The following USP7 variants were observed in gnomAD, a reference collection of about 807,000 sequenced individuals.
USP7 encodes ubiquitin C-terminal hydrolase 7.
In USP7, 9 loss-of-function variants were observed where a neutral mutation model predicts 162.9. That is an observed-to-expected ratio of 0.06 (90% CI 0.03 to 0.10). USP7 has a LOEUF of 0.10. USP7 is among the 10% of genes least tolerant of loss of function. The pLI is 1.00. For synonymous variants in USP7, 562 were observed against 475.9 expected (o/e 1.18, Z -2.35); for missense variants, 715 against 1,373.7 (o/e 0.52, Z 7.58).
intron 10 of USP7, among the ~76,000 whole-genome samples, chr16:8,912,695 G>A (rs1163389261): frequency 6.6e-6 from 1 of 151,414 alleles, no homozygotes; most frequent in African/African-American, 2.4e-5. Context: ...GCCAAGGCGG[G>A]CAGACTGATT....
At chr16:8,938,094 G>A (rs942632740) in intron 1 of USP7, among the ~76,000 whole-genome samples, 9 of 152,068 alleles carry the variant, frequency 5.9e-5, no homozygotes, top group African/African-American at 2.2e-4. Context: ...AGCTGGACTG[G>A]CAAAGGCACT....
chr16:8,959,386 A>G (rs913740397), intron 1 of USP7, among the ~76,000 whole-genome samples: 1 of 151,730 alleles, frequency 6.6e-6, no homozygotes, highest in African/African-American at 2.4e-5. Context: ...CCTTCTTCCT[A>G]TATTTACTAG....
chr16:8,901,941 G>A, intron 18 of USP7, 141 bp downstream of exon 18: 2 of 716,516 alleles, frequency 2.8e-6, no homozygotes, highest in Non-Finnish European at 4.6e-6. Flanking sequence ...GACTTCATCA[G>A]GAAGTCTAGT....
At chr16:8,900,868 T>C (rs1380370603) in intron 20 of USP7, 122 bp downstream of exon 20, 3 of 978,298 alleles carry the variant, frequency 3.1e-6, no homozygotes, top group African/African-American at 3.3e-5. Context: ...CTCAAGATCA[T>C]CTGAGGCCCT....
intron 1 of USP7, among the ~76,000 whole-genome samples, chr16:8,935,374 T>A (rs1898643501): frequency 6.6e-6 from 1 of 152,126 alleles, no homozygotes; most frequent in East Asian, 1.9e-4. Context: ...CATGCCCAGC[T>A]AATTTGTCTG....
At chr16:8,901,422 C>T (rs945116743) in intron 18 of USP7, among the ~76,000 whole-genome samples, 188 bp from the exon 19 acceptor site, 5 of 152,132 alleles carry the variant, frequency 3.3e-5, no homozygotes, top group Non-Finnish European at 5.9e-5. Context: ...GAAGCTGAGG[C>T]TATTACCGCT....
intron 1 of USP7, among the ~76,000 whole-genome samples, chr16:8,933,913 G>A (rs192218404): frequency 3.2e-4 from 49 of 151,964 alleles, no homozygotes; most frequent in Admixed American, 9.2e-4. Context: ...GTGCCACCAC[G>A]CCCAGCTAAT....
At chr16:8,935,207 T>A (rs994713450) in intron 1 of USP7, among the ~76,000 whole-genome samples, 5 of 151,296 alleles carry the variant, frequency 3.3e-5, no homozygotes, top group Non-Finnish European at 5.9e-5. Flanking sequence ...ACTAATTTTT[T>A]TTTTTTTTTT....
chr16:8,893,866 A>G lies in USP7; in HGVS notation c.*132T>C, dbSNP rs2061641813. On this transcript the variant is annotated 3_prime_UTR_variant, in exon 31 of 31. Coordinates refer to ENST00000344836, the MANE Select transcript of USP7 (RefSeq NM_003470.3). ...AGAGAAGCCAAACTGAACAGCCTCAATAAAATAAAATTAACACCAGCAGCG... is the reference window on the plus strand; with the variant it reads ...AGAGAAGCCAAACTGAACAGCCTCAGTAAAATAAAATTAACACCAGCAGCG... 1 of 775,434 alleles carries G rather than the reference A, an allele frequency of 1.3e-6. No individual in the cohort carries two copies. 48.0% of individuals were successfully genotyped at this position (775,434 alleles called of 1,614,324 possible). A position where few individuals can be genotyped will look rare whatever the true frequency, so the allele number is the denominator to read the frequency against.
chr16:8,911,643 C>T (rs999574332), intron 10 of USP7, among the ~76,000 whole-genome samples: 23 of 152,234 alleles, frequency 1.5e-4, no homozygotes, highest in Admixed American at 2.0e-4. Context: ...TTACAGGCTG[C>T]AGCCCGGAGA....
In USP7 at chr16:8,933,631, C is replaced by A. The variant is rs974727433; in HGVS notation, c.80-3234G>T. On this transcript the variant is annotated intron_variant, in intron 1 of 30. Transcript: ENST00000344836. ...GTGTATGCGCTATCATTTTTTTTTC[C>A]TCAAAGAGACAAGATTTTACAATGT... 1.6e-4 allele frequency among the ~76,000 whole-genome samples: 25 copies of A among 151,834 alleles called. 1 individual carries two copies. The highest frequency in any genetic ancestry group is 1.2e-3 in the Admixed American group (19 of 15,254).
chr16:8,894,434 G>C (rs576538417), intron 30 of USP7, 116 bp downstream of exon 30: 3 of 962,720 alleles, frequency 3.1e-6, no homozygotes, highest in East Asian at 5.0e-5. Flanking sequence ...TCCACAGGTC[G>C]GCCAGTGGAG....
chr16:8,937,624 T>G (rs1219516502), intron 1 of USP7, among the ~76,000 whole-genome samples: 1 of 152,020 alleles, frequency 6.6e-6, no homozygotes, highest in African/African-American at 2.4e-5. Flanking sequence ...AAGGCTGCAG[T>G]GAGCAAGGGC....
intron 1 of USP7, among the ~76,000 whole-genome samples, chr16:8,947,202 AAAG>A (rs1157425151): frequency 1.3e-5 from 2 of 151,904 alleles, no homozygotes; most frequent in Non-Finnish European, 2.9e-5. Flanking sequence ...AACAGACAAT[AAAG>A]AAATTTACAA....
In USP7 at chr16:8,963,270, G is replaced by A; in HGVS notation, c.16C>T (p.Gln6Ter). 1 of 1,352,682 alleles carries A rather than the reference G, an allele frequency of 7.4e-7. No homozygotes were observed. The highest frequency in any genetic ancestry group is 9.6e-7 in the Non-Finnish European group (1 of 1,039,032). 83.8% of individuals were successfully genotyped at this position (1,352,682 alleles called of 1,614,324 possible). The change falls in exon 1 of 31, where the codon CAG becomes TAG. Residue 6 changes from glutamine (Q) to a stop codon, truncating the protein, a stop_gained. Coordinates refer to ENST00000344836, the MANE Select transcript of USP7 (RefSeq NM_003470.3). LOFTEE classifies it high-confidence loss of function. ...TCGCCCGCTTTCTGCTGCTGCTGCTGCTGCTGGTGGTTCATGTCGGCCGCG... is the reference window on the plus strand; with the variant it reads ...TCGCCCGCTTTCTGCTGCTGCTGCTACTGCTGGTGGTTCATGTCGGCCGCG... The part of the protein sequence containing the change: MNHQQ[Q>*]QQQQKAGEQQ...
chr16:8,909,420 G>A (rs946130468), intron 11 of USP7, among the ~76,000 whole-genome samples: 4 of 152,132 alleles, frequency 2.6e-5, no homozygotes, highest in African/African-American at 9.7e-5. Context: ...TCTCAGGAAA[G>A]ACAAAAACAG....
At chr16:8,904,364 C>A in intron 15 of USP7, 71 bp downstream of exon 15, 1 of 1,584,476 alleles carries the variant, frequency 6.3e-7, no homozygotes. Context: ...TGGGGGCTGA[C>A]CTGCACTTGT....
intron 1 of USP7, among the ~76,000 whole-genome samples, chr16:8,950,603 GAC>G (rs562433985): frequency 4.7e-4 from 71 of 152,174 alleles, no homozygotes; most frequent in Non-Finnish European, 9.6e-4. Flanking sequence ...ACTGGGCGCT[GAC>G]AGAGACAACA....
chr16:8,902,065 G>A lies in USP7; in HGVS notation c.2047+17C>T, dbSNP rs751887662. On this transcript the variant is annotated intron_variant, in intron 18 of 30. Coordinates refer to ENST00000344836, the MANE Select transcript of USP7 (RefSeq NM_003470.3). Reference sequence around the variant, plus strand: ...GCTACTGCTCTAAGTGCAGGCAGGCGTCTCGTGGGCACTTACGATCTTTAT... The same window carrying A: ...GCTACTGCTCTAAGTGCAGGCAGGCATCTCGTGGGCACTTACGATCTTTAT... 2.2e-5 allele frequency: 36 copies of A among 1,604,028 alleles called. No homozygotes were observed. Among genetic ancestry groups the A allele is most frequent in the South Asian group, 8.8e-5 (8 of 90,838 alleles).
Sources: gnomAD v4.1 joint callset for allele counts (sites outside exome capture counted in the v4.1 genomes callset) on GRCh38, gnomAD v4.1.1 for gene constraint, MANE v1.5 for transcripts, NCBI Gene and HGNC (gene_info 2026-07-23, HGNC 2026-07-21) for gene names.